The following PPFIA2 variants were observed in gnomAD, a reference collection of about 807,000 sequenced individuals.
PPFIA2 encodes liprin-alpha-2.
Under a neutral mutation model 175.5 loss-of-function variants are expected in PPFIA2, and 46 were observed. The ratio of observed to expected loss-of-function variants is 0.26; its 90% CI spans 0.21 to 0.34. The LOEUF is 0.34. Among genes scored for constraint, PPFIA2 ranks in the 10% least tolerant of loss-of-function variants. The pLI, the probability that PPFIA2 is intolerant of heterozygous loss-of-function variation, is 1.00. For missense variants in PPFIA2, 1,179 were observed against 1,506.1 expected (o/e 0.78, Z 3.60); for synonymous variants, 568 against 511.4 (o/e 1.11, Z -1.49).
intron 27 of PPFIA2, 137 bp downstream of exon 27, chr12:81,281,120 G>A (rs2042002425): frequency 4.6e-6 from 3 of 652,968 alleles, no homozygotes; most frequent in Admixed American, 3.6e-5. Context: ...ATTTTTCCAA[G>A]TAGATGTATA....
At chr12:81,583,891 T>C in intron 4 of PPFIA2, among the ~76,000 whole-genome samples, 1 of 151,928 alleles carries the variant, frequency 6.6e-6, no homozygotes, top group East Asian at 1.9e-4. Context: ...CCATGGCTGG[T>C]ATGTATGTAT....
At chr12:81,439,496 TG>T (rs2049754967) in intron 7 of PPFIA2, among the ~76,000 whole-genome samples, 1 of 152,020 alleles carries the variant, frequency 6.6e-6, no homozygotes, top group Admixed American at 6.6e-5. Flanking sequence ...AAAACTTTTT[TG>T]GGGGTTGTGA....
intron 7 of PPFIA2, among the ~76,000 whole-genome samples, chr12:81,424,650 C>A (rs1049612100): frequency 3.3e-5 from 5 of 152,130 alleles, no homozygotes; most frequent in Non-Finnish European, 5.9e-5. Flanking sequence ...ATGTCCTGGT[C>A]TCTTTTACAG....
intron 16 of PPFIA2, 141 bp downstream of exon 16, chr12:81,357,941 T>A: frequency 1.1e-6 from 1 of 885,012 alleles, no homozygotes; most frequent in Non-Finnish European, 1.6e-6. Context: ...TTACTTATAG[T>A]TTTTTTAAAA....
In PPFIA2 at chr12:81,266,858, G is replaced by T; in HGVS notation, c.3555+94C>A. The T allele has an allele frequency of 3.5e-6, 3 of 857,092 alleles. No homozygotes were observed. In the South Asian group the frequency reaches 4.5e-5, roughly 13 times the overall value. The allele number at this position is 857,092 out of a possible 1,614,324, so 53.1% of individuals were successfully genotyped here. A position where few individuals can be genotyped will look rare whatever the true frequency, so the allele number is the denominator to read the frequency against. On this transcript the variant is annotated intron_variant, in intron 30 of 32. Coordinates refer to ENST00000549396, the MANE Select transcript of PPFIA2 (RefSeq NM_003625.5). ...GATTCTAACCATAGAACAGTCATTT[G>T]ATTAATTTCCAAGCACTATTCCTTA...
chr12:81,265,291 C>CAAAAA lies in PPFIA2; in HGVS notation c.3555+1656_3555+1660dup, dbSNP rs571821814. Among the ~76,000 whole-genome samples, 58 of 69,980 alleles carry CAAAAA rather than the reference C, an allele frequency of 8.3e-4. 1 individual carries two copies. The highest frequency in any genetic ancestry group is 3.5e-3 in the African/African-American group (56 of 15,920). 45.9% of individuals were successfully genotyped at this position (69,980 alleles called of 152,430 possible). ...CTGGGCAACAAGAGCGAAACTCTGT[C>CAAAAA]AAAAAAAAAAAAAAAAAAAAAAAAA... On this transcript the variant is annotated intron_variant, in intron 30 of 32. Coordinates refer to ENST00000549396, the MANE Select transcript of PPFIA2 (RefSeq NM_003625.5).
At chr12:81,400,717 A>G (rs1467276712) in intron 8 of PPFIA2, among the ~76,000 whole-genome samples, 1 of 152,212 alleles carries the variant, frequency 6.6e-6, no homozygotes, top group Non-Finnish European at 1.5e-5. Flanking sequence ...TAAGAGCAAC[A>G]ACTTAAAAAA....
chr12:81,604,573 T>C (rs972776812), intron 4 of PPFIA2, among the ~76,000 whole-genome samples: 3 of 147,582 alleles, frequency 2.0e-5, no homozygotes, highest in African/African-American at 7.5e-5. Context: ...TTTCAATTTA[T>C]CATAAAACTA....
chr12:81,274,843 T>G (rs1224138370), intron 28 of PPFIA2, among the ~76,000 whole-genome samples: 9 of 152,218 alleles, frequency 5.9e-5, no homozygotes, highest in Non-Finnish European at 2.9e-5. Context: ...CATTCACAGC[T>G]ATTTATCAGA....
chr12:81,547,458 C>T (rs759666799), intron 4 of PPFIA2, among the ~76,000 whole-genome samples: 3 of 152,002 alleles, frequency 2.0e-5, no homozygotes, highest in Non-Finnish European at 4.4e-5. Flanking sequence ...TCACCGCAAC[C>T]TCTGCCTCCC....
chr12:81,454,952 G>A (rs1356765555), intron 5 of PPFIA2, among the ~76,000 whole-genome samples: 1 of 152,094 alleles, frequency 6.6e-6, no homozygotes, highest in Non-Finnish European at 1.5e-5. Flanking sequence ...GGATTCAAGC[G>A]ATTATCCTAT....
intron 8 of PPFIA2, among the ~76,000 whole-genome samples, chr12:81,397,375 T>G (rs1361289904): frequency 6.6e-6 from 1 of 151,942 alleles, no homozygotes. Flanking sequence ...GGAAAATAGA[T>G]GGAGATGTAG....
At chr12:81,665,809 C>A (rs2070104267) in intron 4 of PPFIA2, among the ~76,000 whole-genome samples, 1 of 151,590 alleles carries the variant, frequency 6.6e-6, no homozygotes, top group Admixed American at 6.6e-5. Flanking sequence ...AAAGAAACTA[C>A]CATCAGAGTG....
intron 4 of PPFIA2, among the ~76,000 whole-genome samples, chr12:81,582,216 GAA>G (rs1477332736): frequency 6.6e-6 from 1 of 151,768 alleles, no homozygotes; most frequent in Non-Finnish European, 1.5e-5. Context: ...CAGACATGGT[GAA>G]CAATAATAAT....
intron 6 of PPFIA2, among the ~76,000 whole-genome samples, chr12:81,442,299 A>G (rs1201573182): frequency 6.6e-6 from 1 of 152,084 alleles, no homozygotes; most frequent in East Asian, 1.9e-4. Flanking sequence ...TGAAAAATTG[A>G]TGCTGTGAAT....
At chr12:81,527,707 T>C (rs1156612348) in intron 4 of PPFIA2, among the ~76,000 whole-genome samples, 2 of 152,132 alleles carry the variant, frequency 1.3e-5, no homozygotes, top group African/African-American at 4.8e-5. Flanking sequence ...AATTCGTATG[T>C]TGGAACTCTA....
intron 4 of PPFIA2, among the ~76,000 whole-genome samples, chr12:81,479,521 G>A (rs769173464): frequency 2.0e-5 from 3 of 152,064 alleles, no homozygotes; most frequent in Admixed American, 6.6e-5. Flanking sequence ...TCATAGAGTC[G>A]ATGGTCTTTA....
intron 5 of PPFIA2, among the ~76,000 whole-genome samples, chr12:81,453,191 T>C (rs542643359): frequency 2.3e-5 from 3 of 129,416 alleles, no homozygotes; most frequent in African/African-American, 5.9e-5. Context: ...TTCCCCTTCC[T>C]GTGTCCATGT....
chr12:81,532,565 A>G lies in PPFIA2; in HGVS notation c.304-74699T>C, dbSNP rs550011733. 3.8e-3 allele frequency among the ~76,000 whole-genome samples: 582 copies of G among 151,906 alleles called. 4 individuals carry two copies. The highest frequency in any genetic ancestry group is 0.013 in the African/African-American group (545 of 41,526). ...TAGAAAATGCAAAGAACCACTAATG[A>G]TATAGATAAAATACTATACAGTTAG... is the stretch of plus-strand genomic sequence containing the variant. On this transcript the variant is annotated intron_variant, in intron 4 of 32. Coordinates refer to ENST00000549396, the MANE Select transcript of PPFIA2 (RefSeq NM_003625.5).
Sources: gnomAD v4.1 joint callset for allele counts (sites outside exome capture counted in the v4.1 genomes callset) on GRCh38, gnomAD v4.1.1 for gene constraint, MANE v1.5 for transcripts, NCBI Gene and HGNC (gene_info 2026-07-23, HGNC 2026-07-21) for gene names.